Variants in ARHGEF28 observed in about 807,000 individuals in gnomAD.
The protein encoded by ARHGEF28 is Rho guanine nucleotide exchange factor 28.
A neutral mutation model predicts 206.6 loss-of-function variants in ARHGEF28; 152 were observed. The observed-to-expected ratio is 0.74, with a 90% CI of 0.64 to 0.84. ARHGEF28 has a LOEUF of 0.84. ARHGEF28 is among the 40% of genes least tolerant of loss of function. The pLI, the probability that ARHGEF28 is intolerant of heterozygous loss-of-function variation, is 0.00. For synonymous variants in ARHGEF28, 763 were observed against 776.4 expected, an observed-to-expected ratio of 0.98 and a Z score of 0.29; for missense variants, 2,028 against 2,073.2, an observed-to-expected ratio of 0.98 and a Z score of 0.42.
At chr5:73,802,886 G>C (rs1034991155) in intron 9 of ARHGEF28, among the ~76,000 whole-genome samples, 55 of 150,248 alleles carry the variant, frequency 3.7e-4, no homozygotes, top group Middle Eastern at 6.8e-3. Flanking sequence ...GTGTGTGTGT[G>C]TGTGTGTGTG....
chr5:73,887,448 A>C, intron 25 of ARHGEF28, 155 bp from the exon 26 acceptor site: 1 of 563,090 alleles, frequency 1.8e-6, no homozygotes, highest in Non-Finnish European at 3.0e-6. Context: ...ACAGCTTTCT[A>C]TTAAGTTATT....
intron 9 of ARHGEF28, among the ~76,000 whole-genome samples, chr5:73,807,019 T>A (rs77856064): frequency 0.053 from 7,929 of 148,788 alleles, 285 homozygotes; most frequent in African/African-American, 0.095. Flanking sequence ...TGTGAACAAG[T>A]CTATGGCATG....
chr5:73,853,799 A>T (rs142687172), intron 14 of ARHGEF28, among the ~76,000 whole-genome samples: 1 of 152,212 alleles, frequency 6.6e-6, no homozygotes, highest in Non-Finnish European at 1.5e-5. Context: ...CATCTTGGTC[A>T]TCATTTTGAT....
chr5:73,857,652 G>A lies in ARHGEF28; in HGVS notation c.1791-4G>A. On this transcript the variant is annotated splice_polypyrimidine_tract_variant and splice_region_variant and intron_variant, in intron 14 of 35. Transcript: ENST00000513042. ...AGCCATGATAACAGATTCTGTTTTT[G>A]TAGAATTCAGGAAGAAGAATGGGAT... 1 of 1,562,816 alleles carries A rather than the reference G, an allele frequency of 6.4e-7. No homozygotes were observed.
chr5:73,832,355 C>T lies in ARHGEF28; in HGVS notation c.1042C>T (p.Leu348=), dbSNP rs1469245153. Residue 348 remains leucine, a synonymous_variant, in exon 10 of 36, where the codon CTA becomes TTA. Transcript: ENST00000513042. ...TACTCTAGATCGCTCCTTCGATATCCTAAAAAAATCCAAGCCGCCCTCGAC... is the reference window on the plus strand; with the variant it reads ...TACTCTAGATCGCTCCTTCGATATCTTAAAAAAATCCAAGCCGCCCTCGAC... ...SLDLDRSFDI[L]KKSKPPSTLL... is the part of the protein sequence containing the mutation. 6.2e-7 allele frequency: 1 copy of T among 1,612,470 alleles called. No homozygotes were observed. The highest frequency in any genetic ancestry group is 8.5e-7 in the Non-Finnish European group (1 of 1,179,264).
chr5:73,637,195 A>G (rs1193525238), intron 1 of ARHGEF28, among the ~76,000 whole-genome samples: 1 of 152,164 alleles, frequency 6.6e-6, no homozygotes, highest in Non-Finnish European at 1.5e-5. Context: ...CTGGGTGGAG[A>G]ATATGCTCTG....
intron 9 of ARHGEF28, among the ~76,000 whole-genome samples, chr5:73,811,750 A>G (rs545818619): frequency 6.6e-6 from 1 of 152,326 alleles, no homozygotes; most frequent in East Asian, 1.9e-4. Context: ...TGGGAGGCCA[A>G]GGTGGGTGGA....
chr5:73,690,381 CT>C (rs1428425481), intron 2 of ARHGEF28, among the ~76,000 whole-genome samples: 2 of 151,872 alleles, frequency 1.3e-5, no homozygotes, highest in East Asian at 3.8e-4. Flanking sequence ...CCAAGAGCTC[CT>C]TTTTTTACAT....
At chr5:73,878,554 G>A (rs980824757) in intron 22 of ARHGEF28, among the ~76,000 whole-genome samples, 27 of 151,196 alleles carry the variant, frequency 1.8e-4, no homozygotes, top group African/African-American at 4.9e-4. Flanking sequence ...ATTTTGCAGC[G>A]GCTGGTACCG....
intron 2 of ARHGEF28, among the ~76,000 whole-genome samples, chr5:73,701,538 C>T (rs374151639): frequency 2.0e-5 from 3 of 152,230 alleles, no homozygotes; most frequent in South Asian, 2.1e-4. Context: ...TTTTTGATGG[C>T]TCAGAATTGC....
At position 73,735,249 on chromosome 5, in the gene ARHGEF28, A is replaced by T. The variant is rs115158133; in HGVS notation, c.34-14588A>T. Among the ~76,000 whole-genome samples, 816 of 151,518 alleles carry T rather than the reference A, an allele frequency of 5.4e-3. 6 individuals carry two copies. The highest frequency in any genetic ancestry group is 0.019 in the African/African-American group (793 of 41,468). ...TTTATTAATTAAATTAAAATTAATT[A>T]AATTAAATTAAAATTTATTTATTTA... On this transcript the variant is annotated intron_variant, in intron 2 of 35. Transcript: ENST00000513042.
chr5:73,905,643 A>G (rs1303562600), intron 33 of ARHGEF28, among the ~76,000 whole-genome samples: 1 of 152,144 alleles, frequency 6.6e-6, no homozygotes, highest in Non-Finnish European at 1.5e-5. Flanking sequence ...CTATTATTCT[A>G]TTGCATACTT....
intron 9 of ARHGEF28, among the ~76,000 whole-genome samples, chr5:73,831,382 C>A (rs1757292190): frequency 6.6e-6 from 1 of 152,224 alleles, no homozygotes; most frequent in Non-Finnish European, 1.5e-5. Context: ...AACACAGTAA[C>A]AGCTTAACTC....
intron 9 of ARHGEF28, among the ~76,000 whole-genome samples, chr5:73,801,079 A>G (rs930394921): frequency 5.3e-5 from 8 of 152,228 alleles, no homozygotes; most frequent in African/African-American, 1.9e-4. Flanking sequence ...AAAAGTTCTT[A>G]TATTAACTAA....
At chr5:73,869,663 T>A (rs1036671707) in intron 20 of ARHGEF28, among the ~76,000 whole-genome samples, 1 of 152,152 alleles carries the variant, frequency 6.6e-6, no homozygotes, top group African/African-American at 2.4e-5. Flanking sequence ...TCCCAGCACT[T>A]TGGGAGGCTG....
At chr5:73,685,056 G>A (rs1747369312) in intron 2 of ARHGEF28, among the ~76,000 whole-genome samples, 172 bp downstream of exon 2, 1 of 152,100 alleles carries the variant, frequency 6.6e-6, no homozygotes, top group Non-Finnish European at 1.5e-5. Context: ...TTTAAAACTG[G>A]TTGGCTCCTG....
intron 2 of ARHGEF28, among the ~76,000 whole-genome samples, chr5:73,743,150 A>G (rs1029469172): frequency 6.6e-6 from 1 of 152,054 alleles, no homozygotes; most frequent in East Asian, 1.9e-4. Context: ...AACTTCCTTC[A>G]GTATTTCTTT....
intron 1 of ARHGEF28, among the ~76,000 whole-genome samples, chr5:73,680,461 A>AG (rs1747003898): frequency 1.3e-5 from 2 of 150,242 alleles, no homozygotes; most frequent in Non-Finnish European, 3.0e-5. Context: ...AAAAAAAAAA[A>AG]AGGGATTCAC....
chr5:73,700,683 G>A (rs114187520), intron 2 of ARHGEF28, among the ~76,000 whole-genome samples: 4,317 of 152,168 alleles, frequency 0.028, 214 homozygotes, highest in African/African-American at 0.098. Flanking sequence ...TTGAGTACAC[G>A]AAGTACATTG....
Sources: gnomAD v4.1 joint callset for allele counts (sites outside exome capture counted in the v4.1 genomes callset) on GRCh38, gnomAD v4.1.1 for gene constraint, MANE v1.5 for transcripts, NCBI Gene and HGNC (gene_info 2026-07-23, HGNC 2026-07-21) for gene names.